Variants in MSH3 observed in about 807,000 individuals in gnomAD.
MSH3 encodes DNA mismatch repair protein Msh3.
In MSH3, 106 loss-of-function variants were observed where a neutral mutation model predicts 123.3. The ratio of observed to expected loss-of-function variants is 0.86; its 90% CI spans 0.73 to 1.01. The LOEUF (loss-of-function observed/expected upper bound fraction) is 1.01, where lower values mean the gene tolerates loss of function less well. MSH3 is among the 50% of genes least tolerant of loss of function. The probability of loss-of-function intolerance (pLI) is 0.00; values close to 1 mark genes in which losing one functional copy is unlikely to be tolerated. For missense variants in MSH3, 1,459 were observed against 1,347.6 expected (o/e 1.08, Z -1.29); for synonymous variants, 515 against 481.4 (o/e 1.07, Z -0.91).
chr5:80,673,150 A>G (rs1466170650), intron 6 of MSH3, among the ~76,000 whole-genome samples: 1 of 152,210 alleles, frequency 6.6e-6, no homozygotes, highest in Non-Finnish European at 1.5e-5. Flanking sequence ...TTGAAATTAT[A>G]TCTTCCTTAG....
At chr5:80,774,220 T>C (rs992340330) in intron 15 of MSH3, among the ~76,000 whole-genome samples, 3 of 152,136 alleles carry the variant, frequency 2.0e-5, no homozygotes, top group Non-Finnish European at 4.4e-5. Flanking sequence ...TCTATAAATA[T>C]ATTATGAATG....
chr5:80,658,129 A>G (rs72765566), intron 2 of MSH3, among the ~76,000 whole-genome samples: 5,927 of 146,000 alleles, frequency 0.041, 150 homozygotes, highest in Middle Eastern at 0.061. Flanking sequence ...CCTGGGTTCA[A>G]TCTCTGCTCA....
At chr5:80,760,281 A>G (rs1744009791) in intron 12 of MSH3, among the ~76,000 whole-genome samples, 1 of 152,162 alleles carries the variant, frequency 6.6e-6, no homozygotes, top group South Asian at 2.1e-4. Flanking sequence ...ATGTTTACTT[A>G]TCTTAGTTTT....
chr5:80,838,165 A>C (rs1386048170), intron 20 of MSH3, among the ~76,000 whole-genome samples: 1 of 152,192 alleles, frequency 6.6e-6, no homozygotes, highest in African/African-American at 2.4e-5. Context: ...TCCCACTCAC[A>C]ATAAGAGGAG....
At chr5:80,798,529 C>T (rs1253027362) in intron 19 of MSH3, among the ~76,000 whole-genome samples, 2 of 152,132 alleles carry the variant, frequency 1.3e-5, no homozygotes, top group African/African-American at 4.8e-5. Flanking sequence ...ATAATACATA[C>T]CATAAAATAT....
At chr5:80,739,908 G>A (rs911218664) in intron 10 of MSH3, among the ~76,000 whole-genome samples, 1 of 152,166 alleles carries the variant, frequency 6.6e-6, no homozygotes. Context: ...GTGAGGGCTT[G>A]TTTTCTTAAC....
At chr5:80,776,417 ATTTCT>A (rs1392829882) in intron 16 of MSH3, among the ~76,000 whole-genome samples, 1 of 152,138 alleles carries the variant, frequency 6.6e-6, no homozygotes, top group Non-Finnish European at 1.5e-5. Context: ...TATGCCTGAC[ATTTCT>A]TTTAAGAAGC....
Position 80,875,843 on chromosome 5 carries a change from A to G in MSH3, c.3395A>G (p.Gln1132Arg), listed in dbSNP as rs1746299966. ...WTEEFNMEET[Q>R]TSLLH ...GAGGAGTTCAACATGGAAGAAACAC[A>G]GACTTCTCTTCTTCATTAAAATGAA... Residue 1132 changes from glutamine (Q) to arginine (R), a missense_variant, in exon 24 of 24, where the codon CAG becomes CGG. By Grantham distance (43) the Gln-to-Arg change is conservative. Coordinates refer to ENST00000265081, the MANE Select transcript of MSH3 (RefSeq NM_002439.5). 1.2e-6 allele frequency: 2 copies of G among 1,606,090 alleles called. No homozygotes were observed. Among genetic ancestry groups the G allele is most frequent in the Non-Finnish European group, 1.7e-6 (2 of 1,172,800 alleles).
At chr5:80,842,664 G>T (rs1046117977) in intron 20 of MSH3, among the ~76,000 whole-genome samples, 1 of 152,108 alleles carries the variant, frequency 6.6e-6, no homozygotes, top group African/African-American at 2.4e-5. Context: ...TATTCTCTTT[G>T]TAGTAATTGT....
At chr5:80,738,099 A>G (rs1743545890) in intron 10 of MSH3, among the ~76,000 whole-genome samples, 1 of 152,158 alleles carries the variant, frequency 6.6e-6, no homozygotes, top group South Asian at 2.1e-4. Flanking sequence ...AATAACCTAT[A>G]CCTTTGCTCT....
rs6151614 is a variant in MSH3 at position 80,665,516 on chromosome 5, C to T, written c.579+153C>T. Among the ~76,000 whole-genome samples the T allele has an allele frequency of 0.28, 42,110 of 151,868 alleles. 6,060 individuals are homozygous for T. Among genetic ancestry groups the T allele is most frequent in the Middle Eastern group, 0.35 (103 of 292 alleles). The stretch of plus-strand genomic sequence containing the variant: ...AGCTTTTGTGTTTTAGTTTAGTTTT[C>T]TTACATCCCTGGAGATTCGATTTAC... On this transcript the variant is annotated intron_variant, in intron 3 of 23. Transcript: ENST00000265081.
At chr5:80,753,978 G>A (rs533059710) in intron 12 of MSH3, among the ~76,000 whole-genome samples, 3 of 152,322 alleles carry the variant, frequency 2.0e-5, no homozygotes, top group Admixed American at 2.0e-4. Flanking sequence ...GCTAGCAAAT[G>A]TCTGCTTGTT....
In MSH3 at chr5:80,688,865, A is replaced by G. The variant is rs570780019; in HGVS notation, c.1340+9772A>G. Reference sequence around the variant, plus strand: ...AAGTGGTCGGTACTTGATGGTACCAATTTCGTGATTGCAGTGTTACAGTTC... The same window carrying G: ...AAGTGGTCGGTACTTGATGGTACCAGTTTCGTGATTGCAGTGTTACAGTTC... On this transcript the variant is annotated intron_variant, in intron 8 of 23. Coordinates refer to ENST00000265081, the MANE Select transcript of MSH3 (RefSeq NM_002439.5). Among the ~76,000 whole-genome samples, 60 of 152,276 alleles carry G rather than the reference A, an allele frequency of 3.9e-4. No homozygotes were observed. In the South Asian group the frequency reaches 6.2e-3, roughly 16 times the overall value.
intron 10 of MSH3, among the ~76,000 whole-genome samples, chr5:80,730,574 T>C (rs1743392389): frequency 6.6e-6 from 1 of 152,182 alleles, no homozygotes; most frequent in Non-Finnish European, 1.5e-5. Context: ...TATACCCTCA[T>C]TGGATTCTAC....
chr5:80,698,990 G>C (rs1479545017), intron 8 of MSH3, among the ~76,000 whole-genome samples: 1 of 152,168 alleles, frequency 6.6e-6, no homozygotes, highest in East Asian at 1.9e-4. Flanking sequence ...AGAGAATCAA[G>C]AGTGAAACGG....
intron 22 of MSH3, 132 bp downstream of exon 22, chr5:80,865,074 G>A: frequency 5.1e-6 from 5 of 985,320 alleles, no homozygotes; most frequent in African/African-American, 3.2e-5. Context: ...CATTTGTCAG[G>A]ATTCATTTTT....
rs1239807248 is a variant in MSH3, at chr5:80,761,684, T to C, written c.1896+6T>C. On this transcript the variant is annotated splice_donor_region_variant and intron_variant, in intron 13 of 23. Transcript: ENST00000265081. ...GTAGCATTTATCACAAAAAAGTAAG[T>C]GTGATAGAAATCTATTAAAGCTGAC... The C allele has an allele frequency of 6.2e-7, 1 of 1,613,984 alleles. No individual in the cohort carries two copies. Among genetic ancestry groups the C allele is most frequent in the African/African-American group, 1.3e-5 (1 of 75,024 alleles).
intron 16 of MSH3, among the ~76,000 whole-genome samples, chr5:80,777,913 C>G (rs1744333885): frequency 3.3e-5 from 5 of 152,176 alleles, no homozygotes; most frequent in Admixed American, 3.3e-4. Context: ...TACAGGCGCT[C>G]TCCTAAGTTT....
At chr5:80,808,073 T>C (rs755932665) in intron 19 of MSH3, among the ~76,000 whole-genome samples, 3 of 152,222 alleles carry the variant, frequency 2.0e-5, no homozygotes, top group Non-Finnish European at 4.4e-5. Flanking sequence ...CATCTTTTAT[T>C]AGATTAATTA....
Sources: gnomAD v4.1 joint callset for allele counts (sites outside exome capture counted in the v4.1 genomes callset) on GRCh38, gnomAD v4.1.1 for gene constraint, MANE v1.5 for transcripts, NCBI Gene and HGNC (gene_info 2026-07-23, HGNC 2026-07-21) for gene names.